Variants in CD44 observed in about 807,000 individuals in gnomAD.
The protein encoded by CD44 is CD44 antigen.
In CD44, 49 loss-of-function variants were observed where a neutral mutation model predicts 88.8. The ratio of observed to expected loss-of-function variants is 0.55; its 90% CI spans 0.44 to 0.70. The LOEUF is 0.70. Ranked by LOEUF, CD44 falls within the 30% of genes least tolerant of loss-of-function variation. CD44 has a pLI of 0.00. For synonymous variants in CD44, 325 were observed against 312.3 expected (o/e 1.04, Z -0.43); for missense variants, 883 against 913.8 (o/e 0.97, Z 0.43).
At chr11:35,167,331 C>G (rs752573797) in intron 1 of CD44, among the ~76,000 whole-genome samples, 3 of 152,002 alleles carry the variant, frequency 2.0e-5, no homozygotes, top group Non-Finnish European at 4.4e-5. Context: ...GGACCATACT[C>G]GGCTATCCTT....
chr11:35,204,780 A>G, intron 10 of CD44, 140 bp downstream of exon 10: 1 of 730,810 alleles, frequency 1.4e-6, no homozygotes, highest in South Asian at 1.8e-5. Context: ...GCTGCAGTTC[A>G]CACAGAGCCA....
rs950723818 is a variant in CD44, at chr11:35,205,644, A to G, written c.1283-468A>G. ...CATTCATGCTTTTGAGATAAATGGC[A>G]TTGACTTTCATATTGATCACATGGA... On this transcript the variant is annotated intron_variant, in intron 10 of 17. Transcript: ENST00000428726. 4 of 195,862 alleles carry G rather than the reference A, an allele frequency of 2.0e-5. No homozygotes were observed. In the South Asian group the frequency reaches 7.1e-4, roughly 35 times the overall value. The allele number at this position is 195,862 out of a possible 1,614,324, so 12.1% of individuals were successfully genotyped here. A position where few individuals can be genotyped will look rare whatever the true frequency, so the allele number is the denominator to read the frequency against.
chr11:35,201,914 A>G (rs1947353687), intron 9 of CD44, 127 bp downstream of exon 9: 4 of 1,021,176 alleles, frequency 3.9e-6, no homozygotes, highest in Non-Finnish European at 5.7e-6. Context: ...TTTTATTCTT[A>G]GAGCCTGAAA....
At chr11:35,175,989 C>T (rs1308932921) in intron 1 of CD44, among the ~76,000 whole-genome samples, 1 of 150,196 alleles carries the variant, frequency 6.7e-6, no homozygotes, top group Admixed American at 6.6e-5. Flanking sequence ...CTCAGCCTCC[C>T]AAGTAGCTGG....
chr11:35,222,261 AG>A, intron 17 of CD44: 1 of 450,350 alleles, frequency 2.2e-6, no homozygotes, highest in East Asian at 7.8e-5. Context: ...TTTTACCAGA[AG>A]GAAGTATTGG....
chr11:35,171,225 G>A (rs192663900), intron 1 of CD44, among the ~76,000 whole-genome samples: 1 of 152,316 alleles, frequency 6.6e-6, no homozygotes, highest in Non-Finnish European at 1.5e-5. Context: ...ATGACACACA[G>A]CCTTGAAAAT....
chr11:35,200,985 C>G (rs1947259700), intron 7 of CD44, 97 bp from the exon 8 acceptor site: 1 of 861,234 alleles, frequency 1.2e-6, no homozygotes, highest in Non-Finnish European at 2.0e-6. Flanking sequence ...ATAGATGATT[C>G]ATTGCATAGC....
At chr11:35,207,803 T>C (rs1266397171) in intron 11 of CD44, among the ~76,000 whole-genome samples, 1 of 152,220 alleles carries the variant, frequency 6.6e-6, no homozygotes, top group Non-Finnish European at 1.5e-5. Context: ...AGGCAATGTT[T>C]CTGTCTCTCT....
chr11:35,196,186 T>A (rs1332689730), intron 5 of CD44, among the ~76,000 whole-genome samples: 1 of 152,206 alleles, frequency 6.6e-6, no homozygotes, highest in East Asian at 1.9e-4. Context: ...TTTAATCTCT[T>A]ACACAACTTT....
chr11:35,139,320 G>T lies in CD44; in HGVS notation c.17G>T (p.Trp6Leu), dbSNP rs769685554. The T allele has an allele frequency of 6.1e-5, 95 of 1,562,002 alleles. No individual in the cohort carries two copies. The highest frequency in any genetic ancestry group is 7.9e-5 in the Non-Finnish European group (91 of 1,152,720). MDKFW[W>L]HAAWGLCLVP... ...CCGGACACCATGGACAAGTTTTGGT[G>T]GCACGCAGCCTGGGGACTCTGCCTC... The change falls in exon 1 of 18, where the codon TGG becomes TTG. Residue 6 changes from tryptophan to leucine, a missense_variant. Trp to Leu is a moderately conservative substitution (Grantham distance 61). Transcript: ENST00000428726.
At chr11:35,188,651 C>T (rs1945946477) in intron 4 of CD44, among the ~76,000 whole-genome samples, 1 of 151,960 alleles carries the variant, frequency 6.6e-6, no homozygotes, top group Non-Finnish European at 1.5e-5. Context: ...AATAGTTCCA[C>T]TTGAGGCTTG....
At chr11:35,225,253 T>C (rs1439993934) in intron 17 of CD44, among the ~76,000 whole-genome samples, 1 of 152,060 alleles carries the variant, frequency 6.6e-6, no homozygotes, top group Non-Finnish European at 1.5e-5. Flanking sequence ...TCCCTAAATA[T>C]CGTTAAGGAT....
At chr11:35,175,143 C>G (rs1406019044) in intron 1 of CD44, among the ~76,000 whole-genome samples, 1 of 152,138 alleles carries the variant, frequency 6.6e-6, no homozygotes, top group Non-Finnish European at 1.5e-5. Flanking sequence ...AAGGCAGATA[C>G]AAATATTCTA....
chr11:35,167,855 C>A (rs1039116501), intron 1 of CD44, among the ~76,000 whole-genome samples: 1 of 152,178 alleles, frequency 6.6e-6, no homozygotes, highest in African/African-American at 2.4e-5. Context: ...AAGAGCCCTG[C>A]CTAATTGTAG....
Position 35,201,730 on chromosome 11 carries a change from C to T in CD44, c.1096C>T (p.Pro366Ser). Residue 366 changes from proline (P) to serine (S), a missense_variant, in exon 9 of 18, where the codon CCC becomes TCC. Physicochemically the swap from Pro to Ser is moderately conservative, Grantham distance 74. Coordinates refer to ENST00000428726, the MANE Select transcript of CD44 (RefSeq NM_000610.4). ...EGNWNPEAHPPLIHHEHHEEE... is the reference protein window; with the variant it reads ...EGNWNPEAHPSLIHHEHHEEE... ...AAACTGGAACCCAGAAGCACACCCT[C>T]CCCTCATTCACCATGAGCATCATGA... 6.2e-7 allele frequency: 1 copy of T among 1,613,446 alleles called. No homozygotes were observed. Among genetic ancestry groups the T allele is most frequent in the Non-Finnish European group, 8.5e-7 (1 of 1,179,404 alleles).
At chr11:35,139,802 T>C (rs1590834838) in intron 1 of CD44, among the ~76,000 whole-genome samples, 1 of 152,014 alleles carries the variant, frequency 6.6e-6, no homozygotes, top group Admixed American at 6.6e-5. Context: ...ACAGGGCGAG[T>C]GGCTGTTATC....
In CD44 at chr11:35,150,240, C is replaced by T. The variant is rs866739937; in HGVS notation, c.67+10870C>T. Among the ~76,000 whole-genome samples, 5 of 152,092 alleles carry T rather than the reference C, an allele frequency of 3.3e-5. 1 individual carries two copies. In the South Asian group the frequency reaches 8.3e-4, roughly 25 times the overall value. On this transcript the variant is annotated intron_variant, in intron 1 of 17. Transcript: ENST00000428726. ...CAATATTCAGACAAAGCAGTACTTA[C>T]AGGGTGAGTGCTAGTATCCTATGCA...
At position 35,172,659 on chromosome 11, in the gene CD44, T is replaced by A. The variant is rs1044442084; in HGVS notation, c.68-3916T>A. Reference sequence around the variant, plus strand: ...GGACATTGTCCTGATGAACTTTTCATAAAGCATCAATGATTTTTTCATTCT... The same window carrying A: ...GGACATTGTCCTGATGAACTTTTCAAAAAGCATCAATGATTTTTTCATTCT... On this transcript the variant is annotated intron_variant, in intron 1 of 17. Transcript: ENST00000428726. 6.6e-5 allele frequency among the ~76,000 whole-genome samples: 10 copies of A among 152,196 alleles called. No individual in the cohort carries two copies. The South Asian group carries it at 1.2e-3, about 19-fold the overall frequency.
Position 35,206,207 on chromosome 11 carries a change from C to A in CD44, c.1378C>A (p.Pro460Thr), listed in dbSNP as rs780950874. ...TGATTTCTTCAACCCAATCTCACAC[C>A]CCATGGGACGAGGTCATCAAGCAGG... ...WTDFFNPISHPMGRGHQAGRR... is the reference protein window; with the variant it reads ...WTDFFNPISHTMGRGHQAGRR... Residue 460 changes from proline (P) to threonine (T), a missense_variant, in exon 11 of 18, where the codon CCC (proline) becomes ACC (threonine). Physicochemically the swap from Pro to Thr is conservative, Grantham distance 38. Coordinates refer to ENST00000428726, the MANE Select transcript of CD44 (RefSeq NM_000610.4). 1.2e-6 allele frequency: 2 copies of A among 1,611,420 alleles called. No individual in the cohort carries two copies. The highest frequency in any genetic ancestry group is 4.5e-5 in the East Asian group (2 of 44,656).
Sources: gnomAD v4.1 joint callset for allele counts (sites outside exome capture counted in the v4.1 genomes callset) on GRCh38, gnomAD v4.1.1 for gene constraint, MANE v1.5 for transcripts, NCBI Gene and HGNC (gene_info 2026-07-23, HGNC 2026-07-21) for gene names.